The following SANBR variants were observed in gnomAD, a reference collection of about 807,000 sequenced individuals.
SANBR encodes the protein SANT and BTB domain regulator of CSR, also known as SANT and BTB domain regulator of class switch recombination.
A neutral mutation model predicts 101.8 loss-of-function variants in SANBR; 77 were observed. The ratio of observed to expected loss-of-function variants is 0.76; its 90% CI spans 0.63 to 0.91. The LOEUF is 0.91. SANBR is among the 40% of genes least tolerant of loss of function. The pLI is 0.00. For synonymous variants in SANBR, 279 were observed against 274.7 expected (o/e 1.02, Z -0.15); for missense variants, 875 against 853.0 (o/e 1.03, Z -0.32).
chr2:61,106,802 T>A, intron 14 of SANBR, 140 bp downstream of exon 14: 1 of 523,746 alleles, frequency 1.9e-6, no homozygotes, highest in Non-Finnish European at 3.3e-6. Context: ...GTAATAGGAC[T>A]CTAAGGGCAA....
chr2:61,127,592 TA>T (rs1469483348), downstream of SANBR, among the ~76,000 whole-genome samples: 1 of 152,220 alleles, frequency 6.6e-6, no homozygotes, highest in East Asian at 1.9e-4. Flanking sequence ...GAGCATCTCA[TA>T]AGCTCACCAA....
chr2:61,095,977 C>T (rs758591447), intron 11 of SANBR, among the ~76,000 whole-genome samples: 9 of 152,094 alleles, frequency 5.9e-5, no homozygotes, highest in African/African-American at 1.9e-4. Flanking sequence ...GGTACTGCCC[C>T]CTCTTAGGAT....
chr2:61,067,684 CGA>C (rs753562093), intron 1 of SANBR, among the ~76,000 whole-genome samples: 1 of 152,068 alleles, frequency 6.6e-6, no homozygotes, highest in Non-Finnish European at 1.5e-5. Context: ...TGCAGTGAGC[CGA>C]GATCGCGCCA....
chr2:61,118,281 G>T (rs572812361), intron 20 of SANBR, among the ~76,000 whole-genome samples, 165 bp downstream of exon 20: 1 of 152,198 alleles, frequency 6.6e-6, no homozygotes, highest in East Asian at 1.9e-4. Context: ...TGCTCTTGTT[G>T]CCCAGGCTGG....
At chr2:61,090,927 G>C (rs887674618) in intron 10 of SANBR, among the ~76,000 whole-genome samples, 2 of 54,234 alleles carry the variant, frequency 3.7e-5, no homozygotes, top group African/African-American at 1.5e-4. Context: ...TTTTTTTTTT[G>C]AGTTGGAGTC....
At chr2:61,102,946 T>A (rs907730082) in intron 12 of SANBR, among the ~76,000 whole-genome samples, 1 of 152,100 alleles carries the variant, frequency 6.6e-6, no homozygotes, top group Admixed American at 6.6e-5. Flanking sequence ...TGAGCACTTG[T>A]GTACTGAGAA....
chr2:61,114,663 A>T (rs1002085896), intron 16 of SANBR, among the ~76,000 whole-genome samples: 1 of 152,086 alleles, frequency 6.6e-6, no homozygotes, highest in African/African-American at 2.4e-5. Flanking sequence ...ATATACACAT[A>T]CATATATTTT....
chr2:61,081,118 G>C (rs1045687086), intron 6 of SANBR, among the ~76,000 whole-genome samples: 3 of 151,952 alleles, frequency 2.0e-5, no homozygotes, highest in African/African-American at 7.3e-5. Flanking sequence ...CATTTAAAAA[G>C]TTTTCTATTA....
intron 16 of SANBR, among the ~76,000 whole-genome samples, chr2:61,115,253 C>T (rs1684017067): frequency 6.6e-6 from 1 of 151,862 alleles, no homozygotes; most frequent in African/African-American, 2.4e-5. Flanking sequence ...ATTGCCTCTT[C>T]AATTTGTTTT....
rs7563415 is a variant in SANBR at position 61,088,430 on chromosome 2, T to C, written c.1050T>C (p.Asn350=). ...RRIPCIPGKI[N]VDRRGNIVYI... is the part of the protein sequence containing the mutation. ...TTCCTTGCATTCCTGGAAAAATCAA[T>C]GTGGATCGACGTGGAAATATTGTCT... The change falls in exon 10 of 22, where the codon AAT becomes AAC. Residue 350 remains asparagine (N), a synonymous_variant. Transcript: ENST00000402291. 19,497 of 1,609,374 alleles carry C rather than the reference T, an allele frequency of 0.012. 2,079 individuals carry two copies. The African/African-American group carries it at 0.23, about 19-fold the overall frequency.
intron 6 of SANBR, among the ~76,000 whole-genome samples, chr2:61,079,176 AC>A (rs1384387507): frequency 2.9e-4 from 44 of 152,340 alleles, no homozygotes; most frequent in South Asian, 2.1e-4. Flanking sequence ...ACTGGCAGAT[AC>A]AACCCACATA....
chr2:61,090,459 C>A (rs1682681772), intron 10 of SANBR: 1 of 151,630 alleles, frequency 6.6e-6, no homozygotes, highest in South Asian at 2.1e-4. Flanking sequence ...TTGATGTATA[C>A]CTTTTTTTTT....
chr2:61,137,631 C>A (rs1684890927), exon 22 of SANBR: 1 of 152,122 alleles, frequency 6.6e-6, no homozygotes, highest in East Asian at 1.9e-4. Context: ...TTCAAGTAGA[C>A]AGAAAAGTAC....
At chr2:61,125,591 C>CT (rs1684490917), downstream of SANBR, among the ~76,000 whole-genome samples, 1 of 152,306 alleles carries the variant, frequency 6.6e-6, no homozygotes, top group East Asian at 1.9e-4. Context: ...ATAGCAAAGT[C>CT]TAACAGCAGC....
At chr2:61,084,663 G>A (rs994769547) in intron 8 of SANBR, among the ~76,000 whole-genome samples, 1 of 152,134 alleles carries the variant, frequency 6.6e-6, no homozygotes, top group Non-Finnish European at 1.5e-5. Context: ...GTCATAGCAA[G>A]GAGGATATAC....
chr2:61,074,716 G>GT (rs1283063355), intron 5 of SANBR, among the ~76,000 whole-genome samples: 2 of 151,992 alleles, frequency 1.3e-5, no homozygotes, highest in Admixed American at 6.6e-5. Context: ...ATTCACACAG[G>GT]TTTTTAACTG....
chr2:61,087,129 T>A (rs1165807859), intron 8 of SANBR, among the ~76,000 whole-genome samples: 1 of 152,206 alleles, frequency 6.6e-6, no homozygotes, highest in Non-Finnish European at 1.5e-5. Flanking sequence ...TTGGACATAC[T>A]AACCACACTT....
chr2:61,099,019 T>C (rs1446569018), intron 12 of SANBR, among the ~76,000 whole-genome samples: 1 of 152,156 alleles, frequency 6.6e-6, no homozygotes, highest in African/African-American at 2.4e-5. Flanking sequence ...GAAGGATTCG[T>C]AGGAGTACGT....
At chr2:61,136,684 AGGCTAGGCTGGGCGTGGGGG>A (rs1416884423) in intron 21 of SANBR, among the ~76,000 whole-genome samples, 2 of 145,526 alleles carry the variant, frequency 1.4e-5, no homozygotes, top group East Asian at 4.3e-4. Flanking sequence ...AAGAATACTG[AGGCTAGGCTGGGCGTGGGGG>A]CTCATGCCTG....
Sources: gnomAD v4.1 joint callset for allele counts (sites outside exome capture counted in the v4.1 genomes callset) on GRCh38, gnomAD v4.1.1 for gene constraint, MANE v1.5 for transcripts, NCBI Gene and HGNC (gene_info 2026-07-23, HGNC 2026-07-21) for gene names.